Variants in PALLD observed in about 807,000 individuals in gnomAD.
PALLD encodes palladin.
In PALLD, 61 loss-of-function variants were observed where a neutral mutation model predicts 123.5. That is an observed-to-expected ratio of 0.49 (90% CI 0.40 to 0.61). PALLD has a LOEUF of 0.61. Among genes scored for constraint, PALLD ranks in the 20% least tolerant of loss-of-function variants. The probability of loss-of-function intolerance (pLI) is 0.00; values close to 1 mark genes in which losing one functional copy is unlikely to be tolerated. For synonymous variants in PALLD, 465 were observed against 496.4 expected, an observed-to-expected ratio of 0.94 and a Z score of 0.84; for missense variants, 1,273 against 1,377.0, an observed-to-expected ratio of 0.92 and a Z score of 1.20.
chr4:168,741,613 A>T (rs939695258), intron 10 of PALLD, among the ~76,000 whole-genome samples: 1 of 152,112 alleles, frequency 6.6e-6, no homozygotes, highest in South Asian at 2.1e-4. Context: ...GAGTCCAGGA[A>T]TTCAAGGCTG....
chr4:168,685,821 A>T (rs573221221), intron 6 of PALLD, among the ~76,000 whole-genome samples: 2,261 of 150,440 alleles, frequency 0.015, 60 homozygotes, highest in African/African-American at 0.053. Context: ...AAAAAAAAAA[A>T]AAAAAAAAAA....
At chr4:168,784,043 G>A (rs976248648) in intron 10 of PALLD, among the ~76,000 whole-genome samples, 1 of 151,988 alleles carries the variant, frequency 6.6e-6, no homozygotes, top group South Asian at 2.1e-4. Context: ...CCAGGAGTTC[G>A]AGACCAGCCT....
chr4:168,564,667 A>G (rs1321627529), intron 2 of PALLD, among the ~76,000 whole-genome samples: 2 of 152,244 alleles, frequency 1.3e-5, no homozygotes, highest in African/African-American at 4.8e-5. Flanking sequence ...TGGTAATAAA[A>G]TAACAGCCTA....
intron 10 of PALLD, among the ~76,000 whole-genome samples, chr4:168,826,298 C>A (rs958894276): frequency 6.6e-6 from 1 of 152,168 alleles, no homozygotes; most frequent in African/African-American, 2.4e-5. Flanking sequence ...TGGCAATAAT[C>A]AATTGCTCCA....
chr4:168,900,240 C>CT (rs1188749293), intron 14 of PALLD, among the ~76,000 whole-genome samples: 1 of 152,220 alleles, frequency 6.6e-6, no homozygotes, highest in African/African-American at 2.4e-5. Flanking sequence ...ACCTCCAACA[C>CT]TGGGAGTCCC....
intron 2 of PALLD, among the ~76,000 whole-genome samples, chr4:168,557,032 T>TTTTTGTTTTGTTTTGTTTTGTTTTG (rs56127507): frequency 0.016 from 2,345 of 150,626 alleles, 35 homozygotes; most frequent in Non-Finnish European, 0.02. Flanking sequence ...TTTCCACTTG[T>TTTTTGTTTTGTTTTGTTTTGTTTTG]TTTTGTTTTG....
At chr4:168,784,938 C>T (rs572376955) in intron 10 of PALLD, among the ~76,000 whole-genome samples, 2 of 152,054 alleles carry the variant, frequency 1.3e-5, no homozygotes, top group South Asian at 2.1e-4. Flanking sequence ...CAGTGGCTTC[C>T]GTGAGACTTG....
chr4:168,926,607 C>T lies in PALLD; in HGVS notation c.*427C>T. 4.5e-6 allele frequency: 2 copies of T among 443,426 alleles called. No homozygotes were observed. Among genetic ancestry groups the T allele is most frequent in the Non-Finnish European group, 8.0e-6 (2 of 249,288 alleles). The allele number at this position is 443,426 out of a possible 1,614,324, so 27.5% of individuals were successfully genotyped here. On this transcript the variant is annotated 3_prime_UTR_variant, in exon 22 of 22. Coordinates refer to ENST00000505667, the MANE Select transcript of PALLD (RefSeq NM_001166108.2). ...GCACAGAAAATACACATTTACTGTC[C>T]AATTTAAAACTTTGGAATTGCTGTG...
At chr4:168,742,337 T>C (rs970023293) in intron 10 of PALLD, among the ~76,000 whole-genome samples, 5 of 152,104 alleles carry the variant, frequency 3.3e-5, no homozygotes, top group Non-Finnish European at 7.3e-5. Flanking sequence ...AAAGGGGAGG[T>C]GTTCTTAGCT....
chr4:168,786,252 C>G (rs1017415983), intron 10 of PALLD, among the ~76,000 whole-genome samples: 3 of 151,918 alleles, frequency 2.0e-5, no homozygotes, highest in Non-Finnish European at 2.9e-5. Flanking sequence ...CGCTTGAACC[C>G]GGGAGGTAGA....
chr4:168,779,727 T>G (rs1735632898), intron 10 of PALLD, among the ~76,000 whole-genome samples: 2 of 152,140 alleles, frequency 1.3e-5, no homozygotes, highest in Admixed American at 6.5e-5. Context: ...CATTTTTAAT[T>G]AATTACTTGA....
chr4:168,804,218 A>G (rs1329813615), intron 10 of PALLD, among the ~76,000 whole-genome samples: 1 of 151,510 alleles, frequency 6.6e-6, no homozygotes, highest in Non-Finnish European at 1.5e-5. Context: ...AACTAGAAAT[A>G]TATTAACCCT....
Position 168,878,285 on chromosome 4 carries a change from C to A in PALLD, c.1965-12637C>A, listed in dbSNP as rs878854264. 1.3e-6 allele frequency: 2 copies of A among 1,527,146 alleles called. No individual in the cohort carries two copies. Among genetic ancestry groups the A allele is most frequent in the Admixed American group, 2.0e-5 (1 of 50,500 alleles). 94.6% of individuals were successfully genotyped at this position (1,527,146 alleles called of 1,614,324 possible). On this transcript the variant is annotated intron_variant, in intron 10 of 21. Coordinates refer to ENST00000505667, the MANE Select transcript of PALLD (RefSeq NM_001166108.2). ...GTCCCACTGCTCGTCGCCTGCCACC[C>A]GCTTCGGCCACAGCCAGACGCCCGC... is the stretch of plus-strand genomic sequence containing the variant.
chr4:168,852,092 C>T (rs546867783), intron 10 of PALLD, among the ~76,000 whole-genome samples: 6 of 152,284 alleles, frequency 3.9e-5, no homozygotes, highest in Admixed American at 2.0e-4. Context: ...GGACTTAAAA[C>T]GTAGCACACC....
intron 10 of PALLD, among the ~76,000 whole-genome samples, chr4:168,886,426 G>A (rs1428099081): frequency 1.3e-5 from 2 of 152,154 alleles, no homozygotes; most frequent in Non-Finnish European, 2.9e-5. Context: ...AAGATCCCTT[G>A]AGCCCAGGAG....
intron 10 of PALLD, among the ~76,000 whole-genome samples, chr4:168,741,847 A>G (rs1788378340): frequency 6.6e-6 from 1 of 152,232 alleles, no homozygotes; most frequent in Non-Finnish European, 1.5e-5. Flanking sequence ...GAGAATAAAC[A>G]GAAACATTTT....
intron 2 of PALLD, among the ~76,000 whole-genome samples, chr4:168,604,283 G>A (rs1772952465): frequency 6.6e-6 from 1 of 152,204 alleles, no homozygotes; most frequent in African/African-American, 2.4e-5. Flanking sequence ...TAGGGGCCAA[G>A]AGTAAACCAG....
At chr4:168,826,253 C>T (rs2150821663) in intron 10 of PALLD, among the ~76,000 whole-genome samples, 1 of 152,272 alleles carries the variant, frequency 6.6e-6, no homozygotes, top group Admixed American at 6.5e-5. Context: ...TTAACTATTT[C>T]AGATCAAGCA....
intron 10 of PALLD, among the ~76,000 whole-genome samples, chr4:168,713,714 T>G (rs1036742869): frequency 1.3e-5 from 2 of 151,874 alleles, no homozygotes; most frequent in African/African-American, 4.8e-5. Context: ...TTAAAGAACA[T>G]CAGGATTTGC....
Sources: allele counts gnomAD v4.1 joint callset (sites outside exome capture counted in the v4.1 genomes callset), GRCh38; gene constraint gnomAD v4.1.1; transcripts MANE v1.5; gene names NCBI Gene and HGNC (gene_info 2026-07-23, HGNC 2026-07-21).